CEBPZ: variants seen among roughly 807,000 people sequenced by gnomAD.
CEBPZ encodes the protein CCAAT enhancer binding protein zeta.
CEBPZ carries 78 observed loss-of-function variants against 104.5 expected under a neutral mutation model. That is an observed-to-expected ratio of 0.75 (90% CI 0.62 to 0.90). CEBPZ has a LOEUF of 0.90. CEBPZ is among the 40% of genes least tolerant of loss of function. CEBPZ has a pLI of 0.00. For missense variants in CEBPZ, 1,439 were observed against 1,233.5 expected (o/e 1.17, Z -2.50); for synonymous variants, 470 against 427.0 (o/e 1.10, Z -1.24).
rs746383794 is a variant in CEBPZ at position 37,217,054 on chromosome 2, G to A, written c.2155-17C>T. ...CACAGATAACTAAAAAGAAAAATGT[G>A]AATAATATCAATATTTCTAAGGTCG... On this transcript the variant is annotated splice_polypyrimidine_tract_variant and intron_variant, in intron 5 of 15. Transcript: ENST00000234170. 6.3e-7 allele frequency: 1 copy of A among 1,598,434 alleles called. No homozygotes were observed. The highest frequency in any genetic ancestry group is 8.6e-7 in the Non-Finnish European group (1 of 1,166,138).
chr2:37,214,766 C>G lies in CEBPZ; in HGVS notation c.2447+120G>C, dbSNP rs199628639. ...ACTTCTCCCACTAATGTTCCATGGTCTATTTACACACAGTAGTAGATTATT... is the reference window on the plus strand; with the variant it reads ...ACTTCTCCCACTAATGTTCCATGGTGTATTTACACACAGTAGTAGATTATT... On this transcript the variant is annotated intron_variant, in intron 9 of 15. Transcript: ENST00000234170. 1.4e-5 allele frequency: 8 copies of G among 570,270 alleles called. No individual in the cohort carries two copies. In the East Asian group the frequency reaches 2.4e-4, roughly 17 times the overall value. The allele number at this position is 570,270 out of a possible 1,614,324, so 35.3% of individuals were successfully genotyped here.
Position 37,211,956 on chromosome 2 carries a change from AG to A in CEBPZ, c.2686del (p.Leu896TrpfsTer8). On this transcript the variant is annotated frameshift_variant, in exon 12 of 16. Transcript: ENST00000234170. LOFTEE classifies it high-confidence loss of function. Reference protein sequence around the residue: ...SEGSDDELGNLDDDEVSLGSM... With the variant: ...SEGSDDELGNXDDDEVSLGSM... Reference sequence around the variant, plus strand: ...TCCTAAAGAAACTTCATCGTCATCCAGGTTACCAAGTTCATCATCACTACCT... The same window carrying A: ...TCCTAAAGAAACTTCATCGTCATCCAGTTACCAAGTTCATCATCACTACCT... The A allele has an allele frequency of 6.2e-7, 1 of 1,613,714 alleles. No individual in the cohort carries two copies. The highest frequency in any genetic ancestry group is 8.5e-7 in the Non-Finnish European group (1 of 1,179,808).
At chr2:37,223,108 AC>A in intron 3 of CEBPZ, 61 bp downstream of exon 3, 3 of 1,392,098 alleles carry the variant, frequency 2.2e-6, no homozygotes, top group Non-Finnish European at 3.0e-6. Flanking sequence ...GCAAAGAAAA[AC>A]AAAACAAAAA....
chr2:37,209,524 A>C (rs1677650108), intron 13 of CEBPZ: 1 of 152,234 alleles, frequency 6.6e-6, no homozygotes, highest in Non-Finnish European at 1.5e-5. Flanking sequence ...GACAAAGTAA[A>C]CAAAAACAAA....
intron 2 of CEBPZ, 75 bp downstream of exon 2, chr2:37,227,469 C>T: frequency 1.4e-6 from 2 of 1,431,274 alleles, no homozygotes; most frequent in South Asian, 1.5e-5. Context: ...TTTCTTGCCC[C>T]ACAGAGGGCA....
At chr2:37,225,207 C>T (rs957086167) in intron 2 of CEBPZ, among the ~76,000 whole-genome samples, 1 of 152,174 alleles carries the variant, frequency 6.6e-6, no homozygotes, top group African/African-American at 2.4e-5. Flanking sequence ...TGGACCAGAG[C>T]AATCAGTGCT....
intron 13 of CEBPZ, chr2:37,203,804 G>A (rs1677405327): frequency 6.6e-6 from 1 of 152,178 alleles, no homozygotes; most frequent in Non-Finnish European, 1.5e-5. Context: ...CATATGACAT[G>A]TGGTTTCCTA....
intron 11 of CEBPZ, 49 bp from the exon 12 acceptor site, chr2:37,212,088 A>G (rs1677739350): frequency 2.0e-6 from 3 of 1,511,146 alleles, no homozygotes; most frequent in Non-Finnish European, 1.8e-6. Flanking sequence ...TATTTTCTAA[A>G]GTAGTGTTTT....
At chr2:37,205,054 C>G (rs555090249) in intron 13 of CEBPZ, among the ~76,000 whole-genome samples, 110 of 152,262 alleles carry the variant, frequency 7.2e-4, no homozygotes, top group African/African-American at 2.6e-3. Flanking sequence ...ATCTTAGATA[C>G]TCAAGGGAAG....
chr2:37,203,647 G>T (rs938388806), intron 13 of CEBPZ: 1 of 152,152 alleles, frequency 6.6e-6, no homozygotes, highest in East Asian at 1.9e-4. Flanking sequence ...TAAATTTACA[G>T]ACTTGTTCAA....
intron 13 of CEBPZ, chr2:37,209,772 C>A (rs943531123): frequency 6.6e-6 from 1 of 151,948 alleles, no homozygotes; most frequent in Admixed American, 6.6e-5. Context: ...GCAACAAAAA[C>A]AAATAGATGG....
Position 37,213,848 on chromosome 2 carries a change from CAACAA to C in CEBPZ, c.2545+11_2545+15del. ...AGTAGTAGATTATTTTACAAAGAGT[CAACAA>C]AACAAATTACCAATCAGCTCTTCAA... is the stretch of plus-strand genomic sequence containing the variant. On this transcript the variant is annotated intron_variant, in intron 10 of 15. Transcript: ENST00000234170. 1.3e-6 allele frequency: 2 copies of C among 1,551,246 alleles called. No homozygotes were observed. Among genetic ancestry groups the C allele is most frequent in the Non-Finnish European group, 1.8e-6 (2 of 1,128,916 alleles).
At chr2:37,214,077 A>C in intron 9 of CEBPZ, 116 bp from the exon 10 acceptor site, 1 of 493,428 alleles carries the variant, frequency 2.0e-6, no homozygotes, top group South Asian at 3.6e-5. Flanking sequence ...AAGTATACTC[A>C]ATTGGAAATA....
intron 3 of CEBPZ, among the ~76,000 whole-genome samples, chr2:37,222,907 G>A (rs1318858253): frequency 6.6e-6 from 1 of 152,090 alleles, no homozygotes; most frequent in Non-Finnish European, 1.5e-5. Flanking sequence ...GACTTAAGAG[G>A]TCTACTAAGT....
chr2:37,227,100 CTTG>C (rs1664904933), intron 2 of CEBPZ, among the ~76,000 whole-genome samples: 1 of 152,174 alleles, frequency 6.6e-6, no homozygotes, highest in African/African-American at 2.4e-5. Flanking sequence ...TCAGAAAATA[CTTG>C]TTGAATGAGT....
intron 5 of CEBPZ, among the ~76,000 whole-genome samples, chr2:37,217,784 C>T (rs954586342): frequency 6.6e-6 from 1 of 151,018 alleles, no homozygotes; most frequent in Non-Finnish European, 1.5e-5. Context: ...TGCCTGTAGT[C>T]CCAGCTACTC....
At chr2:37,203,221 G>T (rs1003743074) in intron 13 of CEBPZ, 3 of 339,246 alleles carry the variant, frequency 8.8e-6, no homozygotes, top group East Asian at 9.5e-5. Context: ...GAACTGTTCA[G>T]ATGACAAGAG....
At chr2:37,205,273 A>C (rs563509293) in intron 13 of CEBPZ, among the ~76,000 whole-genome samples, 4 of 151,678 alleles carry the variant, frequency 2.6e-5, no homozygotes, top group African/African-American at 9.7e-5. Context: ...TGTGACCTGC[A>C]CGCACACATC....
chr2:37,202,160 G>T (rs1677279300), intron 15 of CEBPZ: 2 of 252,584 alleles, frequency 7.9e-6, no homozygotes, highest in Non-Finnish European at 1.5e-5. Flanking sequence ...ACTTTTACTG[G>T]TGAAATAAAA....
Sources: allele counts gnomAD v4.1 joint callset (sites outside exome capture counted in the v4.1 genomes callset), GRCh38; gene constraint gnomAD v4.1.1; transcripts MANE v1.5; gene names NCBI Gene and HGNC (gene_info 2026-07-23, HGNC 2026-07-21).